CAST: variants seen among roughly 807,000 people sequenced by gnomAD.
CAST encodes calpastatin, also known as MIR583 host.
In CAST, 76 loss-of-function variants were observed where a neutral mutation model predicts 119.6. The observed-to-expected ratio is 0.64, with a 90% CI of 0.53 to 0.77. CAST has a LOEUF of 0.77. CAST is among the 30% of genes least tolerant of loss of function. The probability of loss-of-function intolerance (pLI) is 0.00; values close to 1 mark genes in which losing one functional copy is unlikely to be tolerated. For synonymous variants in CAST, 319 were observed against 331.6 expected, an observed-to-expected ratio of 0.96 and a Z score of 0.41; for missense variants, 953 against 946.5, an observed-to-expected ratio of 1.01 and a Z score of -0.09.
At chr5:96,405,419 A>C in the CAST span, among the ~76,000 whole-genome samples, 1 of 152,220 alleles carries the variant, frequency 6.6e-6, no homozygotes, top group Non-Finnish European at 1.5e-5. Flanking sequence ...TGTTTCACAG[A>C]AATGAAACAC....
intron 21 of CAST, among the ~76,000 whole-genome samples, 182 bp from the exon 22 acceptor site, chr5:96,754,476 G>T (rs939378602): frequency 6.6e-6 from 1 of 152,188 alleles, no homozygotes; most frequent in Admixed American, 6.5e-5. Flanking sequence ...TTGCATCCCA[G>T]CAGGCTTTCT....
the CAST span, among the ~76,000 whole-genome samples, chr5:96,382,192 C>T: frequency 6.6e-6 from 1 of 152,196 alleles, no homozygotes; most frequent in Non-Finnish European, 1.5e-5. Flanking sequence ...CCATAGGATT[C>T]TGTTCTCAGC....
chr5:96,128,132 A>G, the CAST span, among the ~76,000 whole-genome samples: 26 of 152,214 alleles, frequency 1.7e-4, no homozygotes, highest in Admixed American at 1.5e-3. Context: ...TCTCATCTGG[A>G]TAACTTCTCA....
chr5:96,416,081 T>C, the CAST span: 72,726 of 1,612,350 alleles, frequency 0.045, 1,870 homozygotes, highest in South Asian at 0.066. Flanking sequence ...TTGTGATTAT[T>C]TGCTTGCATG....
At chr5:96,618,423 C>T (rs1312431482) in intron 1 of CAST, among the ~76,000 whole-genome samples, 4 of 152,224 alleles carry the variant, frequency 2.6e-5, no homozygotes, top group African/African-American at 4.8e-5. Flanking sequence ...GCTTGAGGAG[C>T]CCTTCAGCCT....
chr5:96,522,759 C>T (rs1352999309), upstream of CAST, among the ~76,000 whole-genome samples: 1 of 152,176 alleles, frequency 6.6e-6, no homozygotes, highest in African/African-American at 2.4e-5. Flanking sequence ...GCCTGCCTGC[C>T]TGCAGACTTG....
chr5:96,183,374 G>A, the CAST span, among the ~76,000 whole-genome samples: 44 of 151,728 alleles, frequency 2.9e-4, no homozygotes, highest in Middle Eastern at 3.4e-3. Flanking sequence ...TTATTTAAAA[G>A]TTTAAATAAT....
the CAST span, among the ~76,000 whole-genome samples, chr5:96,359,872 A>G: frequency 1.3e-5 from 2 of 152,030 alleles, no homozygotes; most frequent in African/African-American, 4.8e-5. Flanking sequence ...GAGTTTGACT[A>G]TTGGCCTGTC....
chr5:96,266,624 G>A, the CAST span, among the ~76,000 whole-genome samples: 2 of 152,062 alleles, frequency 1.3e-5, no homozygotes, highest in Admixed American at 1.3e-4. Flanking sequence ...GGAAAAGGAG[G>A]CAGAAACCTA....
the CAST span, chr5:96,392,718 G>C: frequency 2.1e-6 from 1 of 478,450 alleles, no homozygotes; most frequent in Non-Finnish European, 3.8e-6. Flanking sequence ...TTCTAATGTA[G>C]TGTAAGAGCT....
At chr5:96,504,122 G>T in the CAST span, among the ~76,000 whole-genome samples, 1 of 152,254 alleles carries the variant, frequency 6.6e-6, no homozygotes, top group East Asian at 1.9e-4. Context: ...CCTATGACAT[G>T]CTTTGTTTCT....
At chr5:96,648,717 C>CGT (rs72068689) in intron 1 of CAST, among the ~76,000 whole-genome samples, 20,334 of 148,668 alleles carry the variant, frequency 0.14, 1,565 homozygotes, top group East Asian at 0.21. Flanking sequence ...TATATATATG[C>CGT]GTGTGTGTGT....
At chr5:96,325,603 C>T in the CAST span, among the ~76,000 whole-genome samples, 7 of 152,068 alleles carry the variant, frequency 4.6e-5, no homozygotes, top group African/African-American at 1.7e-4. Flanking sequence ...CTTCAGCCTC[C>T]CAAGTAGCTG....
the CAST span, among the ~76,000 whole-genome samples, chr5:95,971,171 T>A: frequency 6.6e-6 from 1 of 152,206 alleles, no homozygotes; most frequent in Non-Finnish European, 1.5e-5. Flanking sequence ...CCTAAATAGA[T>A]TCTGACTTGG....
the CAST span, among the ~76,000 whole-genome samples, chr5:95,963,725 C>CTTTTTTTTTTTTTTTTTTT: frequency 3.8e-5 from 5 of 129,978 alleles, no homozygotes; most frequent in African/African-American, 1.5e-4. Flanking sequence ...TTCTCTCTCT[C>CTTTTTTTTTTTTTTTTTTT]TTTTTTTTTT....
At chr5:96,098,763 T>TC in the CAST span, among the ~76,000 whole-genome samples, 22 of 152,358 alleles carry the variant, frequency 1.4e-4, no homozygotes, top group Non-Finnish European at 2.8e-4. Flanking sequence ...GTGTGATGCC[T>TC]CCAGCTTTGT....
intron 1 of CAST, among the ~76,000 whole-genome samples, chr5:96,649,840 A>C (rs1243671425): frequency 6.6e-6 from 1 of 152,244 alleles, no homozygotes; most frequent in African/African-American, 2.4e-5. Context: ...CAGAGGCAGT[A>C]AAGATTAGTC....
intron 1 of CAST, among the ~76,000 whole-genome samples, chr5:96,644,000 C>T (rs1359438001): frequency 6.6e-6 from 1 of 151,820 alleles, no homozygotes; most frequent in Non-Finnish European, 1.5e-5. Flanking sequence ...GAGCCAAGAT[C>T]ATGCCACTGC....
chr5:96,680,141 G>C (rs1184466350), intron 2 of CAST, among the ~76,000 whole-genome samples: 1 of 151,444 alleles, frequency 6.6e-6, no homozygotes, highest in African/African-American at 2.4e-5. Flanking sequence ...ACAAGGTCAG[G>C]AGTTCAAGAC....
Sources: gnomAD v4.1 joint callset for allele counts (sites outside exome capture counted in the v4.1 genomes callset) on GRCh38, gnomAD v4.1.1 for gene constraint, MANE v1.5 for transcripts, NCBI Gene and HGNC (gene_info 2026-07-23, HGNC 2026-07-21) for gene names.